PPP2R2B: variants seen among roughly 807,000 people sequenced by gnomAD.
PPP2R2B encodes serine/threonine-protein phosphatase 2A 55 kDa regulatory subunit B beta isoform.
PPP2R2B carries 5 observed loss-of-function variants against 46.0 expected under a neutral mutation model. The observed-to-expected ratio is 0.11, with a 90% confidence interval of 0.06 to 0.23. The LOEUF (loss-of-function observed/expected upper bound fraction) is 0.23, where lower values mean the gene tolerates loss of function less well. Ranked by LOEUF, PPP2R2B falls within the 10% of genes least tolerant of loss-of-function variation. The probability of loss-of-function intolerance (pLI) is 1.00; values close to 1 mark genes in which losing one functional copy is unlikely to be tolerated. For missense variants in PPP2R2B, 367 were observed against 575.0 expected (o/e 0.64, Z 3.70); for synonymous variants, 215 against 206.7 (o/e 1.04, Z -0.34).
At chr5:146,607,071 A>G (rs1408968102) in intron 7 of PPP2R2B, 1 of 152,124 alleles carries the variant, frequency 6.6e-6, no homozygotes, top group East Asian at 1.9e-4. Context: ...GCAGATGGCA[A>G]TTTTCCTTCA....
intron 4 of PPP2R2B, among the ~76,000 whole-genome samples, chr5:146,692,034 GTTGA>G (rs1561836811): frequency 6.6e-6 from 1 of 152,030 alleles, no homozygotes; most frequent in Non-Finnish European, 1.5e-5. Flanking sequence ...CTGACAATTG[GTTGA>G]TTATTTATCA....
At chr5:146,745,963 A>G (rs1167984484) in intron 2 of PPP2R2B, among the ~76,000 whole-genome samples, 1 of 4,766 alleles carries the variant, frequency 2.1e-4, no homozygotes, top group Admixed American at 2.8e-3. Context: ...GTCTCAAAGA[A>G]AAAAAAAAAA....
intron 5 of PPP2R2B, among the ~76,000 whole-genome samples, chr5:146,689,415 C>A (rs1244648861): frequency 6.6e-6 from 1 of 152,116 alleles, no homozygotes; most frequent in African/African-American, 2.4e-5. Flanking sequence ...TGTTTATATA[C>A]ACAAATACCA....
At chr5:147,073,289 T>G (rs1757658252) in intron 2 of PPP2R2B, among the ~76,000 whole-genome samples, 1 of 152,210 alleles carries the variant, frequency 6.6e-6, no homozygotes, top group East Asian at 1.9e-4. Context: ...TTCAATGTTA[T>G]GCAAAGAACC....
chr5:146,856,830 C>T (rs181503257), intron 2 of PPP2R2B, among the ~76,000 whole-genome samples: 50 of 152,242 alleles, frequency 3.3e-4, no homozygotes, highest in African/African-American at 1.1e-3. Flanking sequence ...CAGAGAGCCA[C>T]GGTCTCAAAG....
intron 7 of PPP2R2B, 53 bp from the exon 8 acceptor site, chr5:146,600,513 C>T: frequency 5.7e-6 from 9 of 1,573,690 alleles, no homozygotes; most frequent in Non-Finnish European, 7.8e-6. Flanking sequence ...TCAACTGACT[C>T]TAACATGTTT....
chr5:146,785,099 A>G (rs1188965293), intron 2 of PPP2R2B, among the ~76,000 whole-genome samples: 1 of 152,228 alleles, frequency 6.6e-6, no homozygotes, highest in Non-Finnish European at 1.5e-5. Flanking sequence ...TTTCAACTTT[A>G]TGAGATAACT....
intron 2 of PPP2R2B, among the ~76,000 whole-genome samples, chr5:146,783,891 T>A (rs951030205): frequency 2.0e-5 from 3 of 152,226 alleles, no homozygotes; most frequent in African/African-American, 7.2e-5. Flanking sequence ...CGGAGAATGA[T>A]GTTATTAACT....
chr5:147,030,959 G>A (rs1162887289), intron 1 of PPP2R2B, among the ~76,000 whole-genome samples: 1 of 151,986 alleles, frequency 6.6e-6, no homozygotes, highest in Admixed American at 6.6e-5. Context: ...CTTTATGGCC[G>A]TGCGCGGTGG....
intron 2 of PPP2R2B, among the ~76,000 whole-genome samples, chr5:146,772,182 G>C (rs969659123): frequency 2.0e-5 from 3 of 151,900 alleles, no homozygotes; most frequent in Admixed American, 6.6e-5. Flanking sequence ...AAGACCTATT[G>C]CTGATCATAA....
chr5:147,068,464 T>C (rs1757476908), intron 2 of PPP2R2B, among the ~76,000 whole-genome samples: 1 of 152,168 alleles, frequency 6.6e-6, no homozygotes, highest in African/African-American at 2.4e-5. Context: ...AGTATTACTT[T>C]ATGTGAAAAA....
intron 2 of PPP2R2B, among the ~76,000 whole-genome samples, chr5:146,712,097 C>T (rs1044358910): frequency 6.6e-6 from 1 of 152,002 alleles, no homozygotes; most frequent in African/African-American, 2.4e-5. Context: ...CATGAGGTCC[C>T]GATGTCAAAC....
rs759951006 is a variant in PPP2R2B, at chr5:146,581,586, C to G, written c.*8361G>C. 1 of 152,134 alleles carries G rather than the reference C, an allele frequency of 6.6e-6. No individual in the cohort carries two copies. The highest frequency in any genetic ancestry group is 2.1e-4 in the South Asian group (1 of 4,830). The allele number at this position is 152,134 out of a possible 1,614,324, so 9.4% of individuals were successfully genotyped here. On this transcript the variant is annotated 3_prime_UTR_variant, in exon 10 of 10. Coordinates refer to ENST00000394411, the MANE Select transcript of PPP2R2B (RefSeq NM_181675.4). Reference sequence around the variant, plus strand: ...AAATAAGAACTGTTGTCCTTCTTCTCGTCAGGGAGGAAATGAGGGGTTTAA... The same window carrying G: ...AAATAAGAACTGTTGTCCTTCTTCTGGTCAGGGAGGAAATGAGGGGTTTAA...
intron 6 of PPP2R2B, among the ~76,000 whole-genome samples, chr5:146,641,103 G>A (rs1454475354): frequency 6.6e-6 from 1 of 152,188 alleles, no homozygotes; most frequent in Non-Finnish European, 1.5e-5. Flanking sequence ...ATGCTGATCA[G>A]GGGCCAGGCC....
chr5:146,751,528 GCATTTTGTCATTCTTT>G (rs1332824432), intron 2 of PPP2R2B: 1 of 152,122 alleles, frequency 6.6e-6, no homozygotes, highest in African/African-American at 2.4e-5. Flanking sequence ...CAAGGCCTTT[GCATTTTGTCATTCTTT>G]CATTTATTCT....
At chr5:146,663,223 T>C (rs1434452001) in intron 5 of PPP2R2B, among the ~76,000 whole-genome samples, 1 of 152,128 alleles carries the variant, frequency 6.6e-6, no homozygotes, top group Non-Finnish European at 1.5e-5. Flanking sequence ...CTGAGACAGG[T>C]ACTCAGTATT....
rs186193852 is a variant in PPP2R2B, at chr5:146,704,767, G to T, written c.71-3625C>A. ...AAATCAATCTCAGCATCCTACAAAA[G>T]TTCTAGACTGGTAATTTCATACATA... On this transcript the variant is annotated intron_variant, in intron 2 of 9. Transcript: ENST00000394411. 1.1e-4 allele frequency among the ~76,000 whole-genome samples: 17 copies of T among 152,136 alleles called. No homozygotes were observed. The East Asian group carries it at 2.7e-3, about 24-fold the overall frequency.
At chr5:146,901,587 A>C (rs1762838182) in intron 1 of PPP2R2B, among the ~76,000 whole-genome samples, 1 of 152,258 alleles carries the variant, frequency 6.6e-6, no homozygotes, top group Non-Finnish European at 1.5e-5. Context: ...TCATAAGCTC[A>C]TGAAACAAAT....
At chr5:146,686,922 C>T (rs1450173133) in intron 5 of PPP2R2B, among the ~76,000 whole-genome samples, 1 of 151,930 alleles carries the variant, frequency 6.6e-6, no homozygotes, top group Non-Finnish European at 1.5e-5. Flanking sequence ...GGAAGAAGGG[C>T]ATGGAGGGTC....
Sources: gnomAD v4.1 joint callset for allele counts (sites outside exome capture counted in the v4.1 genomes callset) on GRCh38, gnomAD v4.1.1 for gene constraint, MANE v1.5 for transcripts, NCBI Gene and HGNC (gene_info 2026-07-23, HGNC 2026-07-21) for gene names.